Variants in NAALADL2 observed in about 807,000 individuals in gnomAD.
NAALADL2 encodes the protein inactive N-acetylated-alpha-linked acidic dipeptidase-like protein 2.
A neutral mutation model predicts 87.2 loss-of-function variants in NAALADL2; 76 were observed. That is an observed-to-expected ratio of 0.87 (90% CI 0.72 to 1.05). The LOEUF (loss-of-function observed/expected upper bound fraction) is 1.05, where lower values mean the gene tolerates loss of function less well. NAALADL2 is among the 50% of genes least tolerant of loss of function. NAALADL2 has a pLI of 0.00. For synonymous variants in NAALADL2, 354 were observed against 331.0 expected, an observed-to-expected ratio of 1.07 and a Z score of -0.75; for missense variants, 1,089 against 945.8, an observed-to-expected ratio of 1.15 and a Z score of -1.99.
At chr3:174,485,163 A>G (rs1160210080) in intron 1 of NAALADL2, among the ~76,000 whole-genome samples, 1 of 152,070 alleles carries the variant, frequency 6.6e-6, no homozygotes, top group Non-Finnish European at 1.5e-5. Flanking sequence ...ATAATAAAAA[A>G]TAATATAAAC....
In NAALADL2 at chr3:174,809,105, A is replaced by G. The variant is rs552018682; in HGVS notation, c.-9+71359A>G. On this transcript the variant is annotated intron_variant, in intron 3 of 3. Coordinates refer to the NAALADL2 transcript ENST00000434257. ...AATTCTGAAAAGCCAAATTAGTAAT[A>G]TAAATTTTGTGTAGAAATCAATTGA... Among the ~76,000 whole-genome samples, 6 of 152,328 alleles carry G rather than the reference A, an allele frequency of 3.9e-5. No homozygotes were observed. The South Asian group carries it at 1.2e-3, about 32-fold the overall frequency.
chr3:175,607,412 T>A (rs1723915643), intron 10 of NAALADL2, among the ~76,000 whole-genome samples: 1 of 152,216 alleles, frequency 6.6e-6, no homozygotes, highest in South Asian at 2.1e-4. Context: ...TTTTGTCATA[T>A]CAAAAACTTT....
intron 9 of NAALADL2, among the ~76,000 whole-genome samples, chr3:175,518,725 T>G (rs1732229180): frequency 6.6e-6 from 1 of 152,188 alleles, no homozygotes; most frequent in African/African-American, 2.4e-5. Context: ...CCCATTCATC[T>G]ATTAACCCAT....
At chr3:175,173,332 A>T (rs1735170742) in intron 2 of NAALADL2, among the ~76,000 whole-genome samples, 1 of 150,708 alleles carries the variant, frequency 6.6e-6, no homozygotes, top group African/African-American at 2.4e-5. Flanking sequence ...AAATAAATAA[A>T]TAAATAAATA....
intron 11 of NAALADL2, among the ~76,000 whole-genome samples, chr3:175,695,723 CAT>C (rs1167175281): frequency 6.6e-6 from 1 of 151,908 alleles, no homozygotes; most frequent in African/African-American, 2.4e-5. Context: ...TGCTTCCAAA[CAT>C]AGATTTCAAA....
At chr3:174,978,652 T>A (rs1459261873) in intron 1 of NAALADL2, among the ~76,000 whole-genome samples, 1 of 152,248 alleles carries the variant, frequency 6.6e-6, no homozygotes, top group Non-Finnish European at 1.5e-5. Context: ...TGAAAAACTT[T>A]GGAAGGTGAA....
At chr3:174,890,389 A>G (rs1422045185) in intron 1 of NAALADL2, among the ~76,000 whole-genome samples, 1 of 152,206 alleles carries the variant, frequency 6.6e-6, no homozygotes, top group Non-Finnish European at 1.5e-5. Context: ...GGATGAGTTC[A>G]AAATCTAGTA....
At chr3:174,763,596 A>AAAAAAAAAAAAAAAAAAAAAAT (rs1168526249) in intron 3 of NAALADL2, among the ~76,000 whole-genome samples, 2 of 149,146 alleles carry the variant, frequency 1.3e-5, no homozygotes, top group Admixed American at 6.7e-5. Flanking sequence ...CAAAAAAAAA[A>AAAAAAAAAAAAAAAAAAAAAAT]AAAAAGACTA....
At chr3:174,524,137 A>G (rs1476814031) in intron 1 of NAALADL2, among the ~76,000 whole-genome samples, 2 of 152,214 alleles carry the variant, frequency 1.3e-5, no homozygotes, top group Non-Finnish European at 2.9e-5. Context: ...ATCATGTATT[A>G]AAAATTTTTA....
At chr3:175,528,027 GA>G (rs913472919) in intron 9 of NAALADL2, among the ~76,000 whole-genome samples, 24 of 152,016 alleles carry the variant, frequency 1.6e-4, no homozygotes, top group African/African-American at 5.6e-4. Flanking sequence ...TGTGTAGTTT[GA>G]AAAAGTATAC....
At chr3:174,646,209 A>C (rs535281967) in intron 2 of NAALADL2, among the ~76,000 whole-genome samples, 8 of 152,280 alleles carry the variant, frequency 5.3e-5, no homozygotes, top group African/African-American at 1.9e-4. Flanking sequence ...TTGAAAAAAA[A>C]ATTCTTGAGC....
intron 4 of NAALADL2, among the ~76,000 whole-genome samples, chr3:175,274,126 G>A (rs1317761459): frequency 3.3e-5 from 5 of 152,148 alleles, no homozygotes; most frequent in Non-Finnish European, 4.4e-5. Context: ...CACGTGGCTG[G>A]GGAGGCCTCA....
intron 4 of NAALADL2, among the ~76,000 whole-genome samples, chr3:175,276,164 A>G (rs1386500570): frequency 6.6e-6 from 1 of 151,376 alleles, no homozygotes; most frequent in Non-Finnish European, 1.5e-5. Context: ...ATGATAAAGT[A>G]CTTTTCATCT....
chr3:175,406,956 G>A (rs775395122), intron 5 of NAALADL2, among the ~76,000 whole-genome samples: 6 of 151,948 alleles, frequency 3.9e-5, no homozygotes, highest in African/African-American at 7.2e-5. Context: ...TGAGGTGGGC[G>A]GATCATCAGA....
At chr3:175,666,569 G>T (rs1733027760) in intron 11 of NAALADL2, among the ~76,000 whole-genome samples, 1 of 152,078 alleles carries the variant, frequency 6.6e-6, no homozygotes, top group African/African-American at 2.4e-5. Flanking sequence ...CTTCTGGCTG[G>T]AAATTTAAAC....
chr3:174,508,114 G>GTTTTTTTTTTTTTGTTTTTTTTTTTT (rs57393523), intron 1 of NAALADL2, among the ~76,000 whole-genome samples: 1 of 103,884 alleles, frequency 9.6e-6, no homozygotes, highest in Non-Finnish European at 1.9e-5. Flanking sequence ...ATATCTAGTG[G>GTTTTTTTTTTTTTGTTTTTTTTTTTT]TTTTTTTTTT....
chr3:174,859,826 C>G (rs896855834), intron 1 of NAALADL2, among the ~76,000 whole-genome samples: 5 of 152,118 alleles, frequency 3.3e-5, no homozygotes, highest in Non-Finnish European at 7.4e-5. Context: ...ATTTTTGTCT[C>G]TACCTGTGGA....
chr3:174,795,736 G>A (rs150133972), intron 3 of NAALADL2, among the ~76,000 whole-genome samples: 1 of 152,272 alleles, frequency 6.6e-6, no homozygotes, highest in African/African-American at 2.4e-5. Flanking sequence ...CTATCCTAAT[G>A]AATATGAAGT....
intron 1 of NAALADL2, among the ~76,000 whole-genome samples, chr3:174,918,539 T>A (rs1244201927): frequency 6.6e-6 from 1 of 152,166 alleles, no homozygotes; most frequent in Non-Finnish European, 1.5e-5. Flanking sequence ...TCTAGGTGAT[T>A]GCGCTGATCA....
Sources: gnomAD v4.1 joint callset for allele counts (sites outside exome capture counted in the v4.1 genomes callset) on GRCh38, gnomAD v4.1.1 for gene constraint, MANE v1.5 for transcripts, NCBI Gene and HGNC (gene_info 2026-07-23, HGNC 2026-07-21) for gene names.